PCDHGA4: variants seen among roughly 807,000 people sequenced by gnomAD.
PCDHGA4 encodes protocadherin gamma subfamily A, 4.
In PCDHGA4, 38 loss-of-function variants were observed where a neutral mutation model predicts 54.6. That is an observed-to-expected ratio of 0.70 (90% confidence interval 0.54 to 0.91). The LOEUF is 0.91. Ranked by LOEUF, PCDHGA4 falls within the 40% of genes least tolerant of loss-of-function variation. PCDHGA4 has a pLI of 0.00. For synonymous variants in PCDHGA4, 511 were observed against 512.9 expected, an observed-to-expected ratio of 1.00 and a Z score of 0.05; for missense variants, 1,298 against 1,220.9, an observed-to-expected ratio of 1.06 and a Z score of -0.94.
intron 1 of PCDHGA4, chr5:141,427,842 C>A: frequency 6.5e-7 from 1 of 1,549,268 alleles, no homozygotes. Flanking sequence ...TGCCTTCGAC[C>A]ACGAGCAGCT....
At chr5:141,366,697 G>A in intron 1 of PCDHGA4, 1 of 1,614,250 alleles carries the variant, frequency 6.2e-7, no homozygotes, top group Non-Finnish European at 8.5e-7. Flanking sequence ...AGAAAAGCGA[G>A]CCTCTTCTGA....
chr5:141,366,357 G>A, intron 1 of PCDHGA4: 1 of 1,614,020 alleles, frequency 6.2e-7, no homozygotes, highest in Non-Finnish European at 8.5e-7. Flanking sequence ...GCTGACCTAG[G>A]CAGTATCAAG....
In PCDHGA4 at chr5:141,502,614, T is replaced by C. The variant is rs534996288; in HGVS notation, c.2574-2779T>C. Among the ~76,000 whole-genome samples the C allele has an allele frequency of 7.2e-5, 11 of 152,316 alleles. No homozygotes were observed. In the East Asian group the frequency reaches 1.7e-3, roughly 24 times the overall value. ...AGATATTTTAAAATATTTGTGAAAATATAAGTAATCTGTGGATGATACTTT... is the reference window on the plus strand; with the variant it reads ...AGATATTTTAAAATATTTGTGAAAACATAAGTAATCTGTGGATGATACTTT... On this transcript the variant is annotated intron_variant, in intron 2 of 3. Transcript: ENST00000571252.
rs2097368013 is a variant in PCDHGA4 at position 141,431,382 on chromosome 5, A to G, written c.2515-63425A>G. 6 of 1,613,756 alleles carry G rather than the reference A, an allele frequency of 3.7e-6. No homozygotes were observed. In the East Asian group the frequency reaches 1.1e-4, roughly 30 times the overall value. On this transcript the variant is annotated intron_variant, in intron 1 of 3. Transcript: ENST00000571252. This position sits in a 1 kb window ranked among gnomAD's most constrained non-coding sequence, Gnocchi z 4.8. ...CTGGACCGCGAAGAAAAGGCTGCTC[A>G]CCACCTGGTCCTTACGGCCTCCGAC... is the stretch of plus-strand genomic sequence containing the variant.
chr5:141,494,431 T>C (rs1403792155), intron 1 of PCDHGA4, among the ~76,000 whole-genome samples: 1 of 152,158 alleles, frequency 6.6e-6, no homozygotes, highest in Non-Finnish European at 1.5e-5. Context: ...TTGAAAAGCC[T>C]CCTTTGCCAC....
intron 1 of PCDHGA4, chr5:141,361,614 G>T (rs919763957): frequency 6.2e-7 from 1 of 1,613,946 alleles, no homozygotes. Flanking sequence ...CCATCGTAGC[G>T]AGCGACCTGA....
At chr5:141,374,627 G>T (rs955993144) in intron 1 of PCDHGA4, 5 of 1,613,182 alleles carry the variant, frequency 3.1e-6, no homozygotes, top group Admixed American at 1.7e-5. Flanking sequence ...CTCAGTGGAC[G>T]TGCAAAGCGA....
chr5:141,362,035 G>A, intron 1 of PCDHGA4: 2 of 1,609,742 alleles, frequency 1.2e-6, no homozygotes, highest in South Asian at 1.1e-5. Flanking sequence ...TGCCTTGGGC[G>A]ACAGGGACGC....
chr5:141,414,290 T>G (rs781378958), intron 1 of PCDHGA4: 5 of 1,613,154 alleles, frequency 3.1e-6, no homozygotes, highest in Non-Finnish European at 4.2e-6. Context: ...GTCGTAGCCC[T>G]TTTAAATGTG....
rs751560177 is a variant in PCDHGA4 at position 141,432,962 on chromosome 5, G to T, written c.2515-61845G>T. 7 of 1,614,092 alleles carry T rather than the reference G, an allele frequency of 4.3e-6. No individual in the cohort carries two copies. The highest frequency in any genetic ancestry group is 5.9e-6 in the Non-Finnish European group (7 of 1,180,046). Reference sequence around the variant, plus strand: ...GGCTTCAGGAGGCGGCTTGACAGGAGCGCCGGCGTCGCACTTTGTGGGCGT... The same window carrying T: ...GGCTTCAGGAGGCGGCTTGACAGGATCGCCGGCGTCGCACTTTGTGGGCGT... On this transcript the variant is annotated intron_variant, in intron 1 of 3. Transcript: ENST00000571252. The surrounding 1 kb of genome is among the most constrained non-coding windows in gnomAD (Gnocchi z 6.0).
chr5:141,375,275 G>C, intron 1 of PCDHGA4: 3 of 1,613,902 alleles, frequency 1.9e-6, no homozygotes, highest in Non-Finnish European at 1.7e-6. Context: ...GGAAAAATCA[G>C]TTGGCAATTA....
chr5:141,447,805 G>T (rs1389870133), intron 1 of PCDHGA4, among the ~76,000 whole-genome samples: 2 of 152,064 alleles, frequency 1.3e-5, no homozygotes, highest in African/African-American at 4.8e-5. Context: ...AATAAAATTG[G>T]CTGGGCGTGG....
chr5:141,491,361 C>T lies in PCDHGA4; in HGVS notation c.2515-3446C>T. 1 of 1,614,132 alleles carries T rather than the reference C, an allele frequency of 6.2e-7. No homozygotes were observed. The highest frequency in any genetic ancestry group is 8.5e-7 in the Non-Finnish European group (1 of 1,179,982). ...CGACCGTCAGTCTCTTATCCCTAGT[C>T]ACCTTCACCTTTCTGTCAGCGAAGT... On this transcript the variant is annotated intron_variant, in intron 1 of 3. Transcript: ENST00000571252. The surrounding 1 kb of genome is among the most constrained non-coding windows in gnomAD (Gnocchi z 6.9).
At chr5:141,428,112 A>G (rs2097111373) in intron 1 of PCDHGA4, 1 of 1,607,642 alleles carries the variant, frequency 6.2e-7, no homozygotes, top group Non-Finnish European at 8.5e-7. Context: ...GCTGCAGGCC[A>G]TCGAGCCCGG....
chr5:141,366,890 T>G, intron 1 of PCDHGA4: 1 of 1,249,604 alleles, frequency 8.0e-7, no homozygotes, highest in Non-Finnish European at 1.1e-6. Flanking sequence ...TTTTTTTATA[T>G]AATTCATGCT....
At chr5:141,361,796 A>G (rs1762187371) in intron 1 of PCDHGA4, 3 of 1,613,122 alleles carry the variant, frequency 1.9e-6, no homozygotes, top group Middle Eastern at 3.3e-4. Flanking sequence ...TTAGTGGGCG[A>G]CCTCAATGAC....
chr5:141,465,786 T>G (rs1236517595), intron 1 of PCDHGA4, among the ~76,000 whole-genome samples: 1 of 152,136 alleles, frequency 6.6e-6, no homozygotes, highest in Non-Finnish European at 1.5e-5. Flanking sequence ...ACAGTTTTTT[T>G]TTTTTTAAGA....
intron 1 of PCDHGA4, chr5:141,395,395 T>TA: frequency 1.1e-6 from 1 of 906,424 alleles, no homozygotes; most frequent in Non-Finnish European, 1.6e-6. Flanking sequence ...AATTGAACTC[T>TA]AATAGTCATA....
chr5:141,485,434 G>A lies in PCDHGA4; in HGVS notation c.2515-9373G>A. The A allele has an allele frequency of 6.2e-7, 1 of 1,614,166 alleles. No individual in the cohort carries two copies. The highest frequency in any genetic ancestry group is 8.5e-7 in the Non-Finnish European group (1 of 1,180,018). On this transcript the variant is annotated intron_variant, in intron 1 of 3. Coordinates refer to ENST00000571252, the MANE Select transcript of PCDHGA4 (RefSeq NM_018917.4). This position sits in a 1 kb window ranked among gnomAD's most constrained non-coding sequence, Gnocchi z 5.7. ...TGGACAGCGGAGCCCTGCTCATCAA[G>A]AACCCAATCGACCGAGAGGCACTGT...
Sources: allele counts gnomAD v4.1 joint callset (sites outside exome capture counted in the v4.1 genomes callset), GRCh38; gene constraint gnomAD v4.1.1; non-coding constraint Gnocchi (gnomAD v3.1); transcripts MANE v1.5; gene names NCBI Gene and HGNC (gene_info 2026-07-23, HGNC 2026-07-21).